CHSY3: variants seen among roughly 807,000 people sequenced by gnomAD.
The protein encoded by CHSY3 is chondroitin sulfate synthase 3.
CHSY3 carries 35 observed loss-of-function variants against 67.2 expected under a neutral mutation model. The observed-to-expected ratio is 0.52, with a 90% CI of 0.40 to 0.69. CHSY3 has a LOEUF of 0.69. CHSY3 is among the 30% of genes least tolerant of loss of function. The probability of loss-of-function intolerance (pLI) is 0.00; values close to 1 mark genes in which losing one functional copy is unlikely to be tolerated. For synonymous variants in CHSY3, 474 were observed against 434.7 expected (o/e 1.09, Z -1.12); for missense variants, 1,069 against 1,138.5 (o/e 0.94, Z 0.88).
chr5:130,117,412 G>T (rs959436943), intron 2 of CHSY3, among the ~76,000 whole-genome samples: 3 of 152,152 alleles, frequency 2.0e-5, no homozygotes, highest in South Asian at 4.1e-4. Context: ...AGATCTCATG[G>T]TCAGGTTGTG....
intron 2 of CHSY3, among the ~76,000 whole-genome samples, chr5:130,099,705 G>A (rs897621347): frequency 6.6e-6 from 1 of 152,168 alleles, no homozygotes; most frequent in Non-Finnish European, 1.5e-5. Context: ...TCTTATAAGT[G>A]CATTTGTATA....
chr5:130,160,847 G>A (rs547266841), intron 2 of CHSY3, among the ~76,000 whole-genome samples: 171 of 151,886 alleles, frequency 1.1e-3, no homozygotes, highest in African/African-American at 3.7e-3. Flanking sequence ...ACCAGGGAAT[G>A]GCTCCAGAAA....
rs73241791 is a variant in CHSY3, at chr5:129,995,385, C to T, written c.1086+87025C>T. 9.0e-3 allele frequency among the ~76,000 whole-genome samples: 1,375 copies of T among 152,090 alleles called. 18 individuals are homozygous for T. Among genetic ancestry groups the T allele is most frequent in the African/African-American group, 0.031 (1,304 of 41,502 alleles). On this transcript the variant is annotated intron_variant, in intron 2 of 2. Transcript: ENST00000305031. ...TCTTCACCTACCCTGGGGTTGGCCT[C>T]TGCACATCCATAAGCATGTCCTTTG...
At chr5:130,033,649 C>T (rs185246531) in intron 2 of CHSY3, among the ~76,000 whole-genome samples, 4 of 152,242 alleles carry the variant, frequency 2.6e-5, no homozygotes, top group Non-Finnish European at 5.9e-5. Context: ...AAGAAACAAA[C>T]CCCACTGATA....
chr5:130,094,658 A>T (rs565373452), intron 2 of CHSY3, among the ~76,000 whole-genome samples: 39 of 152,268 alleles, frequency 2.6e-4, no homozygotes, highest in African/African-American at 9.4e-4. Flanking sequence ...GTACAACAAA[A>T]AAGTGAATGT....
chr5:130,162,082 A>C lies in CHSY3; in HGVS notation c.1087-22147A>C, dbSNP rs190913670. Among the ~76,000 whole-genome samples, 265 of 151,540 alleles carry C rather than the reference A, an allele frequency of 1.7e-3. 2 individuals are homozygous for C. Among genetic ancestry groups the C allele is most frequent in the African/African-American group, 6.3e-3 (262 of 41,430 alleles). On this transcript the variant is annotated intron_variant, in intron 2 of 2. Coordinates refer to ENST00000305031, the MANE Select transcript of CHSY3 (RefSeq NM_175856.5). ...AAAAGAAAGAAAGAAAGAAAAAGTT[A>C]AGACTATCCTTGTATAGTGTTTTAA...
chr5:129,925,977 A>T (rs1374196187), intron 2 of CHSY3, among the ~76,000 whole-genome samples: 1 of 152,074 alleles, frequency 6.6e-6, no homozygotes, highest in Admixed American at 6.6e-5. Context: ...GATATTCTTT[A>T]TTATTAAATG....
intron 2 of CHSY3, among the ~76,000 whole-genome samples, chr5:129,971,147 A>G (rs1762630440): frequency 6.6e-6 from 1 of 151,794 alleles, no homozygotes; most frequent in Admixed American, 6.6e-5. Context: ...TTTCAGGATT[A>G]TTCTGTTATC....
At chr5:130,035,452 G>A (rs1388487171) in intron 2 of CHSY3, among the ~76,000 whole-genome samples, 1 of 152,084 alleles carries the variant, frequency 6.6e-6, no homozygotes, top group Non-Finnish European at 1.5e-5. Context: ...GTATTTATTT[G>A]TCAGTAATAC....
intron 2 of CHSY3, among the ~76,000 whole-genome samples, chr5:130,088,032 G>A (rs1237721880): frequency 6.6e-6 from 1 of 152,066 alleles, no homozygotes; most frequent in African/African-American, 2.4e-5. Context: ...ATAGATCAAT[G>A]GAATAGAACA....
chr5:130,035,602 G>A (rs1252815064), intron 2 of CHSY3, among the ~76,000 whole-genome samples: 2 of 152,036 alleles, frequency 1.3e-5, no homozygotes, highest in African/African-American at 2.4e-5. Flanking sequence ...CTCAAGATAC[G>A]GGAAGCAGAA....
chr5:129,962,132 C>T (rs1034319823), intron 2 of CHSY3, among the ~76,000 whole-genome samples: 3 of 151,638 alleles, frequency 2.0e-5, no homozygotes, highest in African/African-American at 4.9e-5. Flanking sequence ...CTCCTCTCTT[C>T]GGTACCAACT....
intron 2 of CHSY3, among the ~76,000 whole-genome samples, chr5:130,148,859 G>C (rs1048224374): frequency 6.6e-6 from 1 of 152,138 alleles, no homozygotes; most frequent in Non-Finnish European, 1.5e-5. Flanking sequence ...CGGTGACTCT[G>C]TTGGTAGTTT....
At chr5:130,091,337 T>A (rs1423227030) in intron 2 of CHSY3, among the ~76,000 whole-genome samples, 1 of 152,196 alleles carries the variant, frequency 6.6e-6, no homozygotes, top group Non-Finnish European at 1.5e-5. Context: ...GCGTTTTGTT[T>A]CCAGTTGTAC....
chr5:130,074,688 T>C (rs1346011130), intron 2 of CHSY3, among the ~76,000 whole-genome samples: 4 of 152,152 alleles, frequency 2.6e-5, no homozygotes, highest in African/African-American at 7.2e-5. Context: ...AGAGAAGAAA[T>C]AATTTATTAA....
intron 2 of CHSY3, among the ~76,000 whole-genome samples, chr5:130,086,087 T>C (rs1450072631): frequency 6.6e-6 from 1 of 151,960 alleles, no homozygotes; most frequent in African/African-American, 2.4e-5. Context: ...GTATATTCTG[T>C]TGATTTGGGG....
At position 130,031,258 on chromosome 5, in the gene CHSY3, T is replaced by C. The variant is rs186435078; in HGVS notation, c.1086+122898T>C. Among the ~76,000 whole-genome samples, 7 of 152,244 alleles carry C rather than the reference T, an allele frequency of 4.6e-5. No homozygotes were observed. In the East Asian group the frequency reaches 1.4e-3, roughly 29 times the overall value. On this transcript the variant is annotated intron_variant, in intron 2 of 2. Transcript: ENST00000305031. ...CTAACACATGAGAGGGCTGAAGATC[T>C]GTCCAAGGAGTTATATTATTAGACT... is the stretch of plus-strand genomic sequence containing the variant.
chr5:129,942,771 A>G (rs1761736078), intron 2 of CHSY3, among the ~76,000 whole-genome samples: 1 of 152,140 alleles, frequency 6.6e-6, no homozygotes, highest in Non-Finnish European at 1.5e-5. Context: ...AATGTTTAAA[A>G]CTATGTTTTA....
At chr5:130,001,004 C>G (rs940424913) in intron 2 of CHSY3, among the ~76,000 whole-genome samples, 6 of 151,712 alleles carry the variant, frequency 4.0e-5, no homozygotes, top group African/African-American at 1.5e-4. Context: ...GATTCTCCTG[C>G]CTCAGCCTCC....
Sources: gnomAD v4.1 joint callset for allele counts (sites outside exome capture counted in the v4.1 genomes callset) on GRCh38, gnomAD v4.1.1 for gene constraint, MANE v1.5 for transcripts, NCBI Gene and HGNC (gene_info 2026-07-23, HGNC 2026-07-21) for gene names.